Variants in DDX10 observed in about 807,000 individuals in gnomAD.
DDX10 encodes the protein DEAD-box helicase 10.
In DDX10, 74 loss-of-function variants were observed where a neutral mutation model predicts 104.3. The ratio of observed to expected loss-of-function variants is 0.71; its 90% CI spans 0.59 to 0.86. DDX10 has a LOEUF of 0.86. Ranked by LOEUF, DDX10 falls within the 40% of genes least tolerant of loss-of-function variation. The pLI is 0.00. For synonymous variants in DDX10, 351 were observed against 353.4 expected (o/e 0.99, Z 0.08); for missense variants, 952 against 1,040.0 (o/e 0.92, Z 1.16).
rs1861837086 is a variant in DDX10 at position 108,789,299 on chromosome 11, TAGG to T, written c.1966-49144_1966-49142del. On this transcript the variant is annotated intron_variant, in intron 13 of 17. Transcript: ENST00000322536. ...GTATAGAATTGATGAGCGGGACAAG[TAGG>T]AGATGTCGTCACCTATTTGTTTCAT... Among the ~76,000 whole-genome samples, 6 of 152,326 alleles carry T rather than the reference TAGG, an allele frequency of 3.9e-5. No homozygotes were observed. In the South Asian group the frequency reaches 1.2e-3, roughly 32 times the overall value.
intron 16 of DDX10, among the ~76,000 whole-genome samples, chr11:108,854,305 A>G (rs925052900): frequency 3.9e-5 from 6 of 152,232 alleles, no homozygotes; most frequent in Admixed American, 3.9e-4. Flanking sequence ...TGTGATATGT[A>G]AGGAGAAATA....
chr11:108,857,923 G>A (rs1862892322), intron 16 of DDX10, among the ~76,000 whole-genome samples: 1 of 152,138 alleles, frequency 6.6e-6, no homozygotes, highest in South Asian at 2.1e-4. Context: ...TTTATAGGTG[G>A]CTGCATTGAG....
chr11:108,795,034 G>C (rs550618860), intron 13 of DDX10, among the ~76,000 whole-genome samples: 32 of 152,170 alleles, frequency 2.1e-4, no homozygotes, highest in African/African-American at 7.2e-4. Context: ...CACCATGTTG[G>C]TCAGGCTGGT....
At chr11:108,675,151 T>C (rs2094222596) in intron 2 of DDX10, among the ~76,000 whole-genome samples, 1 of 152,028 alleles carries the variant, frequency 6.6e-6, no homozygotes, top group African/African-American at 2.4e-5. Flanking sequence ...ACATATATTT[T>C]CTTTACTCAT....
chr11:108,874,444 T>C (rs1192062823), intron 16 of DDX10, among the ~76,000 whole-genome samples: 1 of 152,218 alleles, frequency 6.6e-6, no homozygotes, highest in Non-Finnish European at 1.5e-5. Flanking sequence ...TTGATTACTC[T>C]ACATTGGAAA....
Position 108,677,248 on chromosome 11 carries a change from G to C in DDX10, c.537+5G>C, listed in dbSNP as rs1199181878. 1 of 1,610,554 alleles carries C rather than the reference G, an allele frequency of 6.2e-7. No individual in the cohort carries two copies. Among genetic ancestry groups the C allele is most frequent in the South Asian group, 1.1e-5 (1 of 90,806 alleles). On this transcript the variant is annotated splice_donor_5th_base_variant and intron_variant, in intron 4 of 17. Transcript: ENST00000322536. ...GGTCTCATCATTGGTGGAAAGGTTT[G>C]TCCTTTTGTCTATGTCCTTCCTTTC...
chr11:108,810,247 A>C (rs1310970313), intron 13 of DDX10, among the ~76,000 whole-genome samples: 1 of 152,194 alleles, frequency 6.6e-6, no homozygotes, highest in East Asian at 1.9e-4. Context: ...TTGTATTTGT[A>C]ATGCAGTGGA....
chr11:108,928,709 A>G (rs1408899512), intron 17 of DDX10, among the ~76,000 whole-genome samples: 1 of 152,210 alleles, frequency 6.6e-6, no homozygotes, highest in Admixed American at 6.5e-5. Context: ...TACCTTGCAA[A>G]GTTACTGTGA....
intron 4 of DDX10, 102 bp from the exon 5 acceptor site, chr11:108,678,213 A>G (rs931760980): frequency 8.6e-7 from 1 of 1,168,050 alleles, no homozygotes; most frequent in African/African-American, 1.6e-5. Flanking sequence ...GAGTATCTAA[A>G]ATGTTGTGAT....
rs185201722 is a variant in DDX10, at chr11:108,857,376, G to A, written c.2304+5167G>A. Among the ~76,000 whole-genome samples the A allele has an allele frequency of 3.7e-4, 56 of 152,266 alleles. No individual in the cohort carries two copies. The East Asian group carries it at 7.7e-3, about 21-fold the overall frequency. ...ATTTATCTTTCTGGGCCTGTTCTCA[G>A]CATGTGTAAAAGGTTACCCCTTTCA... On this transcript the variant is annotated intron_variant, in intron 16 of 17. Coordinates refer to ENST00000322536, the MANE Select transcript of DDX10 (RefSeq NM_004398.4).
intron 16 of DDX10, among the ~76,000 whole-genome samples, chr11:108,870,643 AT>A (rs1313018747): frequency 6.6e-6 from 1 of 152,188 alleles, no homozygotes. Context: ...GCATTCACTG[AT>A]TTCCTGATGC....
At chr11:108,679,340 T>G (rs531358440) in intron 5 of DDX10, 31 bp from the exon 6 acceptor site, 1 of 1,554,652 alleles carries the variant, frequency 6.4e-7, no homozygotes, top group South Asian at 1.2e-5. Context: ...ATTTTACATA[T>G]GATAGTTCAA....
At chr11:108,762,966 G>T (rs1220060476) in intron 13 of DDX10, among the ~76,000 whole-genome samples, 1 of 152,112 alleles carries the variant, frequency 6.6e-6, no homozygotes, top group African/African-American at 2.4e-5. Flanking sequence ...GAGTGTCTTT[G>T]AATTTCCCTA....
At chr11:108,726,139 T>G (rs1202762144) in intron 13 of DDX10, among the ~76,000 whole-genome samples, 1 of 152,106 alleles carries the variant, frequency 6.6e-6, no homozygotes, top group Non-Finnish European at 1.5e-5. Context: ...TTAGTGTAGC[T>G]TTATACTAAG....
chr11:108,697,916 T>C (rs1452205913), intron 9 of DDX10, among the ~76,000 whole-genome samples: 1 of 152,188 alleles, frequency 6.6e-6, no homozygotes, highest in East Asian at 1.9e-4. Context: ...AAGATGGGCA[T>C]TTATATATAA....
At position 108,665,137 on chromosome 11, in the gene DDX10, T is replaced by TCGC. The variant is rs113506050; in HGVS notation, c.-4_-2dup. On this transcript the variant is annotated 5_prime_UTR_variant, in exon 1 of 18. Transcript: ENST00000322536. Reference sequence around the variant, plus strand: ...TCGTGTCTGGGGTTGATCCGAGCTGTCGCCGCCGCCGCCGCAATGGGCAAA... The same window carrying TCGC: ...TCGTGTCTGGGGTTGATCCGAGCTGTCGCCGCCGCCGCCGCCGCAATGGGCAAA... The TCGC allele has an allele frequency of 2.3e-3, 3,691 of 1,598,076 alleles. 68 individuals are homozygous for TCGC. In the African/African-American group the frequency reaches 0.043, roughly 19 times the overall value.
At chr11:108,679,162 C>G (rs953289864) in intron 5 of DDX10, among the ~76,000 whole-genome samples, 1 of 152,064 alleles carries the variant, frequency 6.6e-6, no homozygotes, top group Non-Finnish European at 1.5e-5. Context: ...CAGCCTTCCC[C>G]TGGTGTTAAT....
At chr11:108,895,874 A>G (rs774794049) in intron 16 of DDX10, among the ~76,000 whole-genome samples, 1 of 152,098 alleles carries the variant, frequency 6.6e-6, no homozygotes, top group African/African-American at 2.4e-5. Context: ...TGCTGCCCAG[A>G]ATACTAAATT....
chr11:108,713,391 A>G (rs2094287048), intron 10 of DDX10, among the ~76,000 whole-genome samples: 1 of 152,074 alleles, frequency 6.6e-6, no homozygotes, highest in Non-Finnish European at 1.5e-5. Context: ...TCAGGTTTGG[A>G]AGTTTTTATC....
Sources: gnomAD v4.1 joint callset for allele counts (sites outside exome capture counted in the v4.1 genomes callset) on GRCh38, gnomAD v4.1.1 for gene constraint, MANE v1.5 for transcripts, NCBI Gene and HGNC (gene_info 2026-07-23, HGNC 2026-07-21) for gene names.